The following RALGAPA2 variants were observed in gnomAD, a reference collection of about 807,000 sequenced individuals.
The protein encoded by RALGAPA2 is Ral GTPase activating protein catalytic subunit alpha 2.
In RALGAPA2, 139 loss-of-function variants were observed where a neutral mutation model predicts 230.4. The ratio of observed to expected loss-of-function variants is 0.60; its 90% CI spans 0.53 to 0.69. RALGAPA2 has a LOEUF of 0.69. Ranked by LOEUF, RALGAPA2 falls within the 30% of genes least tolerant of loss-of-function variation. RALGAPA2 has a pLI of 0.00. For missense variants in RALGAPA2, 2,163 were observed against 2,276.0 expected (o/e 0.95, Z 1.01); for synonymous variants, 847 against 837.8 (o/e 1.01, Z -0.19).
intron 2 of RALGAPA2, among the ~76,000 whole-genome samples, chr20:20,676,680 T>A (rs190019127): frequency 3.3e-5 from 5 of 152,320 alleles, no homozygotes; most frequent in South Asian, 2.1e-4. Context: ...AAAAGTAGTA[T>A]ATCTTTTGGG....
intron 1 of RALGAPA2, among the ~76,000 whole-genome samples, chr20:20,691,859 T>C (rs2068924964): frequency 6.6e-6 from 1 of 152,170 alleles, no homozygotes; most frequent in Non-Finnish European, 1.5e-5. Flanking sequence ...TCCCCAGTAT[T>C]GGAGGTGGGG....
At chr20:20,622,411 G>A (rs558168613) in intron 10 of RALGAPA2, among the ~76,000 whole-genome samples, 2 of 151,638 alleles carry the variant, frequency 1.3e-5, no homozygotes, top group Non-Finnish European at 2.9e-5. Flanking sequence ...TATATTACAG[G>A]TAAAACTGCT....
chr20:20,636,915 T>A (rs2066879749), intron 8 of RALGAPA2, among the ~76,000 whole-genome samples: 1 of 152,266 alleles, frequency 6.6e-6, no homozygotes, highest in Non-Finnish European at 1.5e-5. Flanking sequence ...CATAAGCACC[T>A]GTCAGTAGTA....
At chr20:20,465,149 T>TCACACTCA (rs1556066771) in intron 37 of RALGAPA2, among the ~76,000 whole-genome samples, 11 of 109,210 alleles carry the variant, frequency 1.0e-4, no homozygotes, top group Non-Finnish European at 1.6e-4. Context: ...CCGCAGGCCT[T>TCACACTCA]CACACACACA....
At chr20:20,562,528 T>C (rs2064288963) in intron 23 of RALGAPA2, among the ~76,000 whole-genome samples, 1 of 152,228 alleles carries the variant, frequency 6.6e-6, no homozygotes, top group African/African-American at 2.4e-5. Flanking sequence ...TTGGGCTAAA[T>C]ATACATAATT....
chr20:20,423,663 C>T (rs896666734), intron 37 of RALGAPA2, among the ~76,000 whole-genome samples: 1 of 152,198 alleles, frequency 6.6e-6, no homozygotes, highest in East Asian at 1.9e-4. Context: ...ATCATTTTCA[C>T]AAGATTTTAT....
intron 3 of RALGAPA2, among the ~76,000 whole-genome samples, chr20:20,657,533 G>A (rs1358607691): frequency 6.6e-6 from 1 of 152,202 alleles, no homozygotes; most frequent in Non-Finnish European, 1.5e-5. Flanking sequence ...AGTTCTAAGA[G>A]ACGGGCCCCC....
intron 3 of RALGAPA2, among the ~76,000 whole-genome samples, chr20:20,675,919 G>A (rs2068307928): frequency 6.6e-6 from 1 of 152,086 alleles, no homozygotes; most frequent in Non-Finnish European, 1.5e-5. Flanking sequence ...GTTTCTCAGT[G>A]TGAATATATG....
chr20:20,538,201 C>T (rs914877876), intron 24 of RALGAPA2, among the ~76,000 whole-genome samples: 2 of 152,128 alleles, frequency 1.3e-5, no homozygotes, highest in African/African-American at 4.8e-5. Flanking sequence ...AGCTTGGTTC[C>T]CATAAGTACA....
rs1409327989 is a variant in RALGAPA2 at position 20,606,029 on chromosome 20, A to T, written c.1801-617T>A. 5.3e-5 allele frequency among the ~76,000 whole-genome samples: 8 copies of T among 151,750 alleles called. No individual in the cohort carries two copies. The East Asian group carries it at 1.4e-3, about 26-fold the overall frequency. On this transcript the variant is annotated intron_variant, in intron 14 of 39. Transcript: ENST00000202677. ...CCTCTCTTAACCACCCCTCTCCTTTAATCTCCAGCCAACCCCACTTCCCCA... is the reference window on the plus strand; with the variant it reads ...CCTCTCTTAACCACCCCTCTCCTTTTATCTCCAGCCAACCCCACTTCCCCA...
At chr20:20,405,103 C>T (rs1307410324) in intron 38 of RALGAPA2, among the ~76,000 whole-genome samples, 1 of 152,188 alleles carries the variant, frequency 6.6e-6, no homozygotes, top group Non-Finnish European at 1.5e-5. Context: ...TCCAAACCAA[C>T]TGGCAGGATG....
At chr20:20,627,452 G>C (rs1038879496) in intron 10 of RALGAPA2, among the ~76,000 whole-genome samples, 5 of 152,154 alleles carry the variant, frequency 3.3e-5, no homozygotes, top group African/African-American at 1.2e-4. Flanking sequence ...GCAAGTGTAG[G>C]AGGCACCCAG....
intron 37 of RALGAPA2, among the ~76,000 whole-genome samples, chr20:20,427,422 C>T (rs1203381920): frequency 6.6e-6 from 1 of 151,962 alleles, no homozygotes; most frequent in Non-Finnish European, 1.5e-5. Flanking sequence ...GGAGCGTCTG[C>T]AGCACAGCAC....
intron 3 of RALGAPA2, among the ~76,000 whole-genome samples, chr20:20,670,037 CAGA>C (rs1464196318): frequency 2.6e-5 from 4 of 152,192 alleles, no homozygotes; most frequent in Non-Finnish European, 4.4e-5. Context: ...TTCTGTGATT[CAGA>C]AGGTCATTAC....
intron 2 of RALGAPA2, among the ~76,000 whole-genome samples, chr20:20,680,038 A>G (rs1233292114): frequency 6.6e-6 from 1 of 152,186 alleles, no homozygotes; most frequent in Non-Finnish European, 1.5e-5. Flanking sequence ...AAATGCTAGG[A>G]TACCTGTGAA....
At chr20:20,568,132 G>A (rs1181894282) in intron 23 of RALGAPA2, among the ~76,000 whole-genome samples, 2 of 151,998 alleles carry the variant, frequency 1.3e-5, no homozygotes, top group South Asian at 2.1e-4. Flanking sequence ...TGAAAGTCAC[G>A]CCAAATTTTC....
intron 36 of RALGAPA2, 53 bp from the exon 37 acceptor site, chr20:20,473,009 A>G: frequency 6.5e-7 from 1 of 1,543,476 alleles, no homozygotes; most frequent in Non-Finnish European, 8.8e-7. Flanking sequence ...AAGTCAAATC[A>G]AAGATATGAG....
intron 36 of RALGAPA2, among the ~76,000 whole-genome samples, chr20:20,493,967 T>A (rs1024698769): frequency 2.6e-5 from 4 of 152,104 alleles, no homozygotes; most frequent in Admixed American, 6.6e-5. Flanking sequence ...AATTCAGGAG[T>A]TGACCCACAA....
intron 37 of RALGAPA2, among the ~76,000 whole-genome samples, chr20:20,461,978 A>G (rs2123289061): frequency 6.6e-6 from 1 of 152,324 alleles, no homozygotes; most frequent in Non-Finnish European, 1.5e-5. Flanking sequence ...TGGATTAAGG[A>G]CCAAAGCTTT....
Sources: gnomAD v4.1 joint callset for allele counts (sites outside exome capture counted in the v4.1 genomes callset) on GRCh38, gnomAD v4.1.1 for gene constraint, MANE v1.5 for transcripts, NCBI Gene and HGNC (gene_info 2026-07-23, HGNC 2026-07-21) for gene names.